Variants in ZNF503 observed in about 807,000 individuals in gnomAD.
The protein encoded by ZNF503 is zinc finger protein 503, also known as NocA-like zinc finger 2.
ZNF503 carries 15 observed loss-of-function variants against 34.4 expected under a neutral mutation model. That is an observed-to-expected ratio of 0.44 (90% CI 0.29 to 0.67). The LOEUF (loss-of-function observed/expected upper bound fraction) is 0.67, where lower values mean the gene tolerates loss of function less well. ZNF503 is among the 30% of genes least tolerant of loss of function. The pLI, the probability that ZNF503 is intolerant of heterozygous loss-of-function variation, is 0.13. For missense variants in ZNF503, 1,007 were observed against 926.8 expected (o/e 1.09, Z -1.12); for synonymous variants, 580 against 456.8 (o/e 1.27, Z -3.44).
chr10:75,369,137 T>A, the ZNF503 span, among the ~76,000 whole-genome samples: 3 of 152,198 alleles, frequency 2.0e-5, no homozygotes, highest in Non-Finnish European at 4.4e-5. Flanking sequence ...TAGTATGATC[T>A]CACTTGTATC....
the ZNF503 span, among the ~76,000 whole-genome samples, chr10:75,343,984 T>C: frequency 6.6e-6 from 1 of 152,276 alleles, no homozygotes; most frequent in East Asian, 1.9e-4. Context: ...GCAGGTCTGA[T>C]TGTGGAGGGG....
chr10:75,282,401 T>C, the ZNF503 span, among the ~76,000 whole-genome samples: 2 of 151,634 alleles, frequency 1.3e-5, no homozygotes, highest in Admixed American at 6.6e-5. Flanking sequence ...AGAGGTCTCT[T>C]TGCAACCAAA....
At chr10:75,395,232 G>C (rs73288952), downstream of ZNF503, among the ~76,000 whole-genome samples, 16,527 of 152,252 alleles carry the variant, frequency 0.11, 2,834 homozygotes, top group African/African-American at 0.37. The surrounding 1 kb of genome is among the most constrained non-coding windows in gnomAD (Gnocchi z 4.4). Context: ...GGACAGACAC[G>C]TGGGCCAATC....
At chr10:75,289,012 G>A in the ZNF503 span, among the ~76,000 whole-genome samples, 1 of 152,138 alleles carries the variant, frequency 6.6e-6, no homozygotes, top group Non-Finnish European at 1.5e-5. Flanking sequence ...GTTACCATGG[G>A]GAAGGCTGGA....
the ZNF503 span, among the ~76,000 whole-genome samples, chr10:75,329,487 CAG>C: frequency 6.8e-6 from 1 of 147,836 alleles, no homozygotes. Context: ...TTGTTACAGA[CAG>C]AGTTTAGCTC....
chr10:75,315,725 A>G, the ZNF503 span, among the ~76,000 whole-genome samples: 1 of 152,248 alleles, frequency 6.6e-6, no homozygotes, highest in African/African-American at 2.4e-5. Flanking sequence ...ACATAGCCAT[A>G]GTCACTTATC....
downstream of ZNF503, among the ~76,000 whole-genome samples, chr10:75,397,592 TGATA>T (rs754257813): frequency 2.6e-5 from 4 of 151,906 alleles, no homozygotes; most frequent in Non-Finnish European, 4.4e-5. Context: ...AAAAACGAAA[TGATA>T]GATAGCGGAG....
At chr10:75,324,303 C>CT in the ZNF503 span, among the ~76,000 whole-genome samples, 2 of 146,644 alleles carry the variant, frequency 1.4e-5, no homozygotes, top group Admixed American at 6.9e-5. Flanking sequence ...GTGTATGATC[C>CT]TTTTTTTTGT....
the ZNF503 span, among the ~76,000 whole-genome samples, chr10:75,291,132 G>A: frequency 6.6e-6 from 1 of 152,224 alleles, no homozygotes; most frequent in Admixed American, 6.5e-5. Context: ...CATGTGTCAG[G>A]CCTCTCAGTG....
In ZNF503 at chr10:75,397,882, C is replaced by T. The variant is rs1275790299; in HGVS notation, c.*867G>A. 6.6e-6 allele frequency: 1 copy of T among 152,640 alleles called. No individual in the cohort carries two copies. The highest frequency in any genetic ancestry group is 1.5e-5 in the Non-Finnish European group (1 of 68,044). 9.5% of individuals were successfully genotyped at this position (152,640 alleles called of 1,614,324 possible). On this transcript the variant is annotated 3_prime_UTR_variant, in exon 2 of 2. Transcript: ENST00000372524. ...ATATACGGAATTTTAATCTTTAAAGCGATACATTGTCTATTATTTTAGTAC... is the reference window on the plus strand; with the variant it reads ...ATATACGGAATTTTAATCTTTAAAGTGATACATTGTCTATTATTTTAGTAC...
the ZNF503 span, among the ~76,000 whole-genome samples, chr10:75,320,532 T>G: frequency 6.6e-6 from 1 of 151,884 alleles, no homozygotes; most frequent in African/African-American, 2.4e-5. Context: ...TACAGCAATA[T>G]ATAGGCTGGG....
chr10:75,399,886 CCCGGTGCCCTTGCCACCGCCGCCCACG>C lies in ZNF503; in HGVS notation c.777_803del (p.Asp259_Gly268delinsGlu), dbSNP rs1303907912. On this transcript the variant is annotated inframe_deletion, in exon 2 of 2. Coordinates refer to ENST00000372524, the MANE Select transcript of ZNF503 (RefSeq NM_032772.6). ...TGGGTCCCCCTTCGGCCGAGGCGCC[CCCGGTGCCCTTGCCACCGCCGCCCACG>C]TCGGTGTCTTTCTTGTCGTCCTTGC... The C allele has an allele frequency of 5.0e-6, 8 of 1,601,550 alleles. No individual in the cohort carries two copies. In the Admixed American group the frequency reaches 1.4e-4, roughly 27 times the overall value.
the ZNF503 span, among the ~76,000 whole-genome samples, chr10:75,307,424 T>C: frequency 2.6e-5 from 4 of 152,298 alleles, no homozygotes; most frequent in East Asian, 7.7e-4. Context: ...AGAAGAAAAG[T>C]TGGAAGCCAG....
At chr10:75,339,888 A>G in the ZNF503 span, among the ~76,000 whole-genome samples, 1 of 151,970 alleles carries the variant, frequency 6.6e-6, no homozygotes, top group African/African-American at 2.4e-5. Context: ...CTCTGCTTAG[A>G]CTAGGGAGTG....
rs1409122339 is a variant in ZNF503 at position 75,398,978 on chromosome 10, C to T, written c.1712G>A (p.Cys571Tyr). 6.2e-7 allele frequency: 1 copy of T among 1,605,438 alleles called. No homozygotes were observed. Among genetic ancestry groups the T allele is most frequent in the Non-Finnish European group, 8.5e-7 (1 of 1,179,194 alleles). Residue 571 changes from cysteine (C) to tyrosine (Y), a missense_variant, in exon 2 of 2, where the codon TGC (cysteine) becomes TAC (tyrosine). By Grantham distance (194) the Cys-to-Tyr change is radical. Coordinates refer to ENST00000372524, the MANE Select transcript of ZNF503 (RefSeq NM_032772.6). Reference sequence around the variant, plus strand: ...GCCCGAGGTGGGGATGTGCATGTGGCAAGCCATGGCGGCCGCGGCAGCGCT... The same window carrying T: ...GCCCGAGGTGGGGATGTGCATGTGGTAAGCCATGGCGGCCGCGGCAGCGCT... ...LASAAAAAMACHMHIPTSGAP... is the reference protein window; with the variant it reads ...LASAAAAAMAYHMHIPTSGAP...
chr10:75,364,329 C>T, the ZNF503 span, among the ~76,000 whole-genome samples: 6 of 152,176 alleles, frequency 3.9e-5, no homozygotes, highest in Admixed American at 6.5e-5. Flanking sequence ...CCAAAGCCTG[C>T]TTTCCTTCCT....
At chr10:75,306,514 A>G in the ZNF503 span, among the ~76,000 whole-genome samples, 10 of 152,166 alleles carry the variant, frequency 6.6e-5, no homozygotes, top group Admixed American at 1.3e-4. Context: ...TACTTTGTTG[A>G]TGATGCCATC....
chr10:75,340,276 C>A, the ZNF503 span, among the ~76,000 whole-genome samples: 1 of 152,136 alleles, frequency 6.6e-6, no homozygotes, highest in East Asian at 1.9e-4. Context: ...AATAGTCACA[C>A]ACACAGCAGT....
the ZNF503 span, among the ~76,000 whole-genome samples, chr10:75,312,751 C>A: frequency 3.3e-5 from 5 of 151,624 alleles, no homozygotes; most frequent in African/African-American, 9.7e-5. Context: ...TAAAAAAAAA[C>A]AAAAAACATC....
Sources: gnomAD v4.1 joint callset for allele counts (sites outside exome capture counted in the v4.1 genomes callset) on GRCh38, gnomAD v4.1.1 for gene constraint, Gnocchi (gnomAD v3.1) non-coding constraint, MANE v1.5 for transcripts, NCBI Gene and HGNC (gene_info 2026-07-23, HGNC 2026-07-21) for gene names.